The following ABRAXAS1 variants were observed in gnomAD, a reference collection of about 807,000 sequenced individuals.
ABRAXAS1 encodes the protein abraxas 1, BRCA1 A complex subunit.
A neutral mutation model predicts 38.4 loss-of-function variants in ABRAXAS1; 26 were observed. The observed-to-expected ratio is 0.68, with a 90% CI of 0.50 to 0.94. The LOEUF (loss-of-function observed/expected upper bound fraction) is 0.94, where lower values mean the gene tolerates loss of function less well. Among genes scored for constraint, ABRAXAS1 ranks in the 40% least tolerant of loss-of-function variants. The pLI is 0.00. For synonymous variants in ABRAXAS1, 144 were observed against 165.5 expected (o/e 0.87, Z 1.00); for missense variants, 438 against 481.9 (o/e 0.91, Z 0.85).
rs766771788 is a variant in ABRAXAS1, at chr4:83,459,748, C to T, written c.*2721G>A. ...ATAAAACTCCAAAACAGCTTTTGTC[C>T]CAGTTTGTTTCTCCATTTACTGGAT... is the stretch of plus-strand genomic sequence containing the variant. On this transcript the variant is annotated 3_prime_UTR_variant, in exon 9 of 9. Transcript: ENST00000321945. 7 of 1,609,312 alleles carry T rather than the reference C, an allele frequency of 4.3e-6. No individual in the cohort carries two copies. The highest frequency in any genetic ancestry group is 5.9e-6 in the Non-Finnish European group (7 of 1,177,676).
intron 2 of ABRAXAS1, among the ~76,000 whole-genome samples, chr4:83,481,149 A>C (rs1722989689): frequency 1.3e-5 from 2 of 152,102 alleles, no homozygotes; most frequent in Non-Finnish European, 2.9e-5. Context: ...AAAAGAAAAG[A>C]AATGAAAAAT....
At position 83,462,248 on chromosome 4, in the gene ABRAXAS1, GTGAA is replaced by G; in HGVS notation, c.*217_*220del. 2.0e-6 allele frequency: 1 copy of G among 497,692 alleles called. No homozygotes were observed. Among genetic ancestry groups the G allele is most frequent in the East Asian group, 3.5e-5 (1 of 28,892 alleles). 30.8% of individuals were successfully genotyped at this position (497,692 alleles called of 1,614,324 possible). A position where few individuals can be genotyped will look rare whatever the true frequency, so the allele number is the denominator to read the frequency against. The stretch of plus-strand genomic sequence containing the variant: ...TGTAAGCCTTCCCCTCAACAACTTA[GTGAA>G]AGGTGAAAAAAAGGTTTGGAAATAA... On this transcript the variant is annotated 3_prime_UTR_variant, in exon 9 of 9. Coordinates refer to ENST00000321945, the MANE Select transcript of ABRAXAS1 (RefSeq NM_139076.3).
intron 1 of ABRAXAS1, among the ~76,000 whole-genome samples, chr4:83,483,338 C>A (rs555839634): frequency 1.3e-5 from 2 of 148,986 alleles, no homozygotes; most frequent in African/African-American, 2.5e-5. Context: ...TGGAGTGCAG[C>A]GGTGCAATCA....
intron 2 of ABRAXAS1, 62 bp downstream of exon 2, chr4:83,482,089 TCAG>T: frequency 9.4e-7 from 1 of 1,064,592 alleles, no homozygotes; most frequent in Non-Finnish European, 1.4e-6. Context: ...CTGACCCCTT[TCAG>T]CATAAACTAT....
chr4:83,459,696 T>C lies in ABRAXAS1; in HGVS notation c.*2773A>G. 1 of 1,544,134 alleles carries C rather than the reference T, an allele frequency of 6.5e-7. No homozygotes were observed. The highest frequency in any genetic ancestry group is 8.9e-7 in the Non-Finnish European group (1 of 1,125,700). ...TGAAATTTACACATTCAGAAATAAA[T>C]AACAGATACTTTTTTTTCCCCTCCA... On this transcript the variant is annotated 3_prime_UTR_variant, in exon 9 of 9. Transcript: ENST00000321945.
At chr4:83,477,619 T>C (rs1387073834) in intron 2 of ABRAXAS1, 4 of 502,324 alleles carry the variant, frequency 8.0e-6, no homozygotes, top group African/African-American at 2.0e-5. Flanking sequence ...GTTTGGAACT[T>C]TCCCCATGGA....
At position 83,465,533 on chromosome 4, in the gene ABRAXAS1, AT is replaced by A. The variant is rs1722323458; in HGVS notation, c.681+1920del. 5.3e-5 allele frequency among the ~76,000 whole-genome samples: 8 copies of A among 152,166 alleles called. No homozygotes were observed. In the South Asian group the frequency reaches 1.7e-3, roughly 32 times the overall value. Reference sequence around the variant, plus strand: ...CTGGATGTGGTGGCTCACACCTGTAATCCCAGTACTTTGGGAGGCCAAGGAA... The same window carrying A: ...CTGGATGTGGTGGCTCACACCTGTAACCCAGTACTTTGGGAGGCCAAGGAA... On this transcript the variant is annotated intron_variant, in intron 7 of 8. Coordinates refer to ENST00000321945, the MANE Select transcript of ABRAXAS1 (RefSeq NM_139076.3).
In ABRAXAS1 at chr4:83,470,246, A is replaced by G. The variant is rs886983641; in HGVS notation, c.433T>C (p.Ser145Pro). The change falls in exon 5 of 9, where the codon TCT (serine) becomes CCT (proline). Residue 145 changes from serine (S) to proline (P), a missense_variant. Ser to Pro is a moderately conservative substitution (Grantham distance 74). Transcript: ENST00000321945. ...LTPSIITESC[S>P]THRLEHSLYK... Reference sequence around the variant, plus strand: ...AAGGAATGTTCCAGTCGATGAGTAGAGCAGCTTTCTGTTATTATACTTGGT... The same window carrying G: ...AAGGAATGTTCCAGTCGATGAGTAGGGCAGCTTTCTGTTATTATACTTGGT... The G allele has an allele frequency of 2.5e-5, 41 of 1,613,642 alleles. No individual in the cohort carries two copies. The highest frequency in any genetic ancestry group is 5.3e-5 in the African/African-American group (4 of 74,910).
chr4:83,484,052 G>C (rs760464721), intron 1 of ABRAXAS1: 1 of 979,810 alleles, frequency 1.0e-6, no homozygotes. Context: ...AGATTTTGTA[G>C]AGACCGGGTC....
chr4:83,484,133 G>T (rs1304565201), intron 1 of ABRAXAS1: 1 of 961,738 alleles, frequency 1.0e-6, no homozygotes, highest in Non-Finnish European at 1.2e-6. Context: ...TTCCCAAAGG[G>T]CTGGAATTAC....
chr4:83,462,331 C>CA lies in ABRAXAS1; in HGVS notation c.*137_*138insT. The CA allele has an allele frequency of 1.4e-6, 1 of 702,896 alleles. No homozygotes were observed. The highest frequency in any genetic ancestry group is 1.9e-5 in the South Asian group (1 of 52,176). The allele number at this position is 702,896 out of a possible 1,614,324, so 43.5% of individuals were successfully genotyped here. A position where few individuals can be genotyped will look rare whatever the true frequency, so the allele number is the denominator to read the frequency against. ...GTGAAGTAAATGCACTAAGAGTTATCTGTGTATTACTGCAAACAGGTGAAC... is the reference window on the plus strand; with the variant it reads ...GTGAAGTAAATGCACTAAGAGTTATCATGTGTATTACTGCAAACAGGTGAAC... On this transcript the variant is annotated 3_prime_UTR_variant, in exon 9 of 9. Coordinates refer to ENST00000321945, the MANE Select transcript of ABRAXAS1 (RefSeq NM_139076.3).
chr4:83,478,262 CAT>C, intron 2 of ABRAXAS1: 1 of 672,738 alleles, frequency 1.5e-6, no homozygotes, highest in Non-Finnish European at 2.9e-6. Context: ...AATCGTGGGA[CAT>C]GTGGATCTCT....
At chr4:83,476,622 C>A in intron 3 of ABRAXAS1, 21 bp downstream of exon 3, 1 of 1,502,292 alleles carries the variant, frequency 6.7e-7, no homozygotes, top group Non-Finnish European at 9.2e-7. Context: ...GGATCATTTA[C>A]TTACTAGCAC....
Position 83,462,718 on chromosome 4 carries a change from T to C in ABRAXAS1, c.981A>G (p.Val327=), listed in dbSNP as rs747527820. 2 of 1,613,816 alleles carry C rather than the reference T, an allele frequency of 1.2e-6. No individual in the cohort carries two copies. Among genetic ancestry groups the C allele is most frequent in the Non-Finnish European group, 1.7e-6 (2 of 1,179,992 alleles). The change falls in exon 9 of 9, where the codon GTA becomes GTG. Residue 327 remains valine, a synonymous_variant. Transcript: ENST00000321945. Reference sequence around the variant, plus strand: ...TAGCTTCAGGAATGTCAGTGTGTTCTACCATTAAGGTCAGATTGTCTACTA... The same window carrying C: ...TAGCTTCAGGAATGTCAGTGTGTTCCACCATTAAGGTCAGATTGTCTACTA... The part of the protein sequence containing the change: ...LDVVDNLTLM[V]EHTDIPEASP...
At position 83,461,932 on chromosome 4, in the gene ABRAXAS1, A is replaced by G. The variant is rs1346078238; in HGVS notation, c.*537T>C. 1 of 229,802 alleles carries G rather than the reference A, an allele frequency of 4.4e-6. No individual in the cohort carries two copies. Among genetic ancestry groups the G allele is most frequent in the Non-Finnish European group, 8.6e-6 (1 of 116,040 alleles). The allele number at this position is 229,802 out of a possible 1,614,324, so 14.2% of individuals were successfully genotyped here. A position where few individuals can be genotyped will look rare whatever the true frequency, so the allele number is the denominator to read the frequency against. ...GCAAATTTATTGCATGATATCCAGC[A>G]TTTTATCTGGCAACTCTAGCCATAA... is the stretch of plus-strand genomic sequence containing the variant. On this transcript the variant is annotated 3_prime_UTR_variant, in exon 9 of 9. Transcript: ENST00000321945.
chr4:83,469,214 T>C (rs539568262), intron 5 of ABRAXAS1, 63 bp from the exon 6 acceptor site: 2 of 1,400,006 alleles, frequency 1.4e-6, no homozygotes, highest in East Asian at 4.6e-5. Flanking sequence ...ATCTACCTGC[T>C]GGAATAGATT....
chr4:83,475,071 T>C (rs1203542431), intron 3 of ABRAXAS1, among the ~76,000 whole-genome samples: 1 of 152,196 alleles, frequency 6.6e-6, no homozygotes, highest in East Asian at 1.9e-4. Flanking sequence ...ATCACTGAAA[T>C]AGATGGTTTC....
intron 6 of ABRAXAS1, 113 bp downstream of exon 6, chr4:83,468,919 C>G (rs1048013341): frequency 1.6e-6 from 2 of 1,250,808 alleles, no homozygotes; most frequent in Admixed American, 4.0e-5. Context: ...GCCTAGTTTA[C>G]TTGAGTAATG....
chr4:83,470,134 C>A (rs1045978879), intron 5 of ABRAXAS1, 69 bp downstream of exon 5: 3 of 1,244,072 alleles, frequency 2.4e-6, no homozygotes, highest in Admixed American at 4.9e-5. Flanking sequence ...TTGTAAGCTG[C>A]AAAAAGTACT....
Sources: gnomAD v4.1 joint callset for allele counts (sites outside exome capture counted in the v4.1 genomes callset) on GRCh38, gnomAD v4.1.1 for gene constraint, MANE v1.5 for transcripts, NCBI Gene and HGNC (gene_info 2026-07-23, HGNC 2026-07-21) for gene names.